TUBA1A: variants seen among roughly 807,000 people sequenced by gnomAD.
TUBA1A encodes tubulin alpha-1A chain.
In TUBA1A, 7 loss-of-function variants were observed where a neutral mutation model predicts 34.6. The ratio of observed to expected loss-of-function variants is 0.20; its 90% CI spans 0.11 to 0.38. The LOEUF is 0.38. Among genes scored for constraint, TUBA1A ranks in the 10% least tolerant of loss-of-function variants. TUBA1A has a pLI of 1.00. For synonymous variants in TUBA1A, 193 were observed against 210.2 expected, an observed-to-expected ratio of 0.92 and a Z score of 0.71; for missense variants, 19 against 581.3, an observed-to-expected ratio of 0.03 and a Z score of 9.95.
In TUBA1A at chr12:49,189,057, G is replaced by C; in HGVS notation, c.-78C>G. The C allele has an allele frequency of 3.8e-6, 6 of 1,596,816 alleles. No homozygotes were observed. The highest frequency in any genetic ancestry group is 1.3e-5 in the African/African-American group (1 of 74,748). On this transcript the variant is annotated 5_prime_UTR_variant, in exon 1 of 4. Coordinates refer to ENST00000301071, the MANE Select transcript of TUBA1A (RefSeq NM_006009.4). ...GTTGCTTCTTACAGCGCGACTCTTA[G>C]GCGGTCGATGTAAGAGAACCTGCGG...
Position 49,185,142 on chromosome 12 carries a change from G to A in TUBA1A, c.1224C>T (p.Tyr408=), listed in dbSNP as rs753719501. 1.4e-5 allele frequency: 22 copies of A among 1,613,948 alleles called. No homozygotes were observed. The highest frequency in any genetic ancestry group is 2.7e-5 in the African/African-American group (2 of 74,874). The part of the protein sequence containing the change: ...MYAKRAFVHW[Y]VGEGMEEGEF... ...CACCTTCCTCCATCCCCTCCCCAAC[G>A]TACCAGTGAACAAAGGCACGTTTGG... is the stretch of plus-strand genomic sequence containing the variant. The change falls in exon 4 of 4, where the codon TAC becomes TAT. Residue 408 remains tyrosine (Y), a synonymous_variant. Coordinates refer to ENST00000301071, the MANE Select transcript of TUBA1A (RefSeq NM_006009.4).
intron 1 of TUBA1A, 173 bp from the exon 2 acceptor site, chr12:49,187,006 A>G (rs1421537102): frequency 2.0e-6 from 3 of 1,482,088 alleles, no homozygotes; most frequent in South Asian, 1.4e-5. Context: ...CAAATGCTGC[A>G]TATGGGTGTG....
Position 49,188,860 on chromosome 12 carries a change from A to G in TUBA1A, c.3+117T>C. On this transcript the variant is annotated intron_variant, in intron 1 of 3. Transcript: ENST00000301071. The surrounding 1 kb of genome is among the most constrained non-coding windows in gnomAD (Gnocchi z 4.9). The stretch of plus-strand genomic sequence containing the variant: ...GGGGCTAAGCTAAACCTCACAAAAC[A>G]TACCACCACCCTCGCCCAGAGAGCT... 6.2e-7 allele frequency: 1 copy of G among 1,610,798 alleles called. No homozygotes were observed. The highest frequency in any genetic ancestry group is 8.5e-7 in the Non-Finnish European group (1 of 1,179,844).
Position 49,188,930 on chromosome 12 carries a change from G to A in TUBA1A, c.3+47C>T. ...AAGGTTTTCCAAGTAGAGCCTGGGG[G>A]CGCTGACTCCACCCAACGGCCACAA... On this transcript the variant is annotated intron_variant, in intron 1 of 3. Transcript: ENST00000301071. This position sits in a 1 kb window ranked among gnomAD's most constrained non-coding sequence, Gnocchi z 4.9. The A allele has an allele frequency of 6.2e-7, 1 of 1,614,190 alleles. No individual in the cohort carries two copies. Among genetic ancestry groups the A allele is most frequent in the Non-Finnish European group, 8.5e-7 (1 of 1,180,048 alleles).
Position 49,188,368 on chromosome 12 carries a change from C to T in TUBA1A, c.3+609G>A, listed in dbSNP as rs1565628366. 2 of 1,535,204 alleles carry T rather than the reference C, an allele frequency of 1.3e-6. No individual in the cohort carries two copies. Among genetic ancestry groups the T allele is most frequent in the Non-Finnish European group, 1.7e-6 (2 of 1,146,388 alleles). On this transcript the variant is annotated intron_variant, in intron 1 of 3. Transcript: ENST00000301071. This position sits in a 1 kb window ranked among gnomAD's most constrained non-coding sequence, Gnocchi z 4.9. ...AGAAGCCAGAAACAAACAACCCCGC[C>T]CCTGCGCCGCCCTGACACCCGCTGC... is the stretch of plus-strand genomic sequence containing the variant.
chr12:49,187,250 C>A (rs2121250247), intron 1 of TUBA1A: 1 of 1,110,538 alleles, frequency 9.0e-7, no homozygotes, highest in Non-Finnish European at 1.1e-6. Context: ...ATATTATAAT[C>A]CGGACATCTG....
chr12:49,184,860 C>A lies in TUBA1A; in HGVS notation c.*150G>T, dbSNP rs1168740814. 6 of 1,327,778 alleles carry A rather than the reference C, an allele frequency of 4.5e-6. No homozygotes were observed. Among genetic ancestry groups the A allele is most frequent in the Non-Finnish European group, 6.4e-6 (6 of 932,046 alleles). 82.2% of individuals were successfully genotyped at this position (1,327,778 alleles called of 1,614,324 possible). ...AGAAATGGACAGCTTGGGTCTGTAA[C>A]AAAGCATTCATGTTTTAGAGCATAG... On this transcript the variant is annotated 3_prime_UTR_variant, in exon 4 of 4. Transcript: ENST00000301071.
Position 49,189,052 on chromosome 12 carries a change from T to C in TUBA1A, c.-73A>G. 1 of 1,600,658 alleles carries C rather than the reference T, an allele frequency of 6.2e-7. No individual in the cohort carries two copies. ...AGGTTGTTGCTTCTTACAGCGCGAC[T>C]CTTAGGCGGTCGATGTAAGAGAACC... On this transcript the variant is annotated 5_prime_UTR_variant, in exon 1 of 4. Coordinates refer to ENST00000301071, the MANE Select transcript of TUBA1A (RefSeq NM_006009.4).
In TUBA1A at chr12:49,188,686, C is replaced by T; in HGVS notation, c.3+291G>A. 2 of 1,437,456 alleles carry T rather than the reference C, an allele frequency of 1.4e-6. No homozygotes were observed. Among genetic ancestry groups the T allele is most frequent in the South Asian group, 3.0e-5 (2 of 66,436 alleles). 89.0% of individuals were successfully genotyped at this position (1,437,456 alleles called of 1,614,324 possible). A position where few individuals can be genotyped will look rare whatever the true frequency, so the allele number is the denominator to read the frequency against. ...CCCCAGACCCCTCGGTCGCGGCAGA[C>T]GGGCTGCCCGCGGCCCCCGAAAGTC... is the stretch of plus-strand genomic sequence containing the variant. On this transcript the variant is annotated intron_variant, in intron 1 of 3. Transcript: ENST00000301071. The surrounding 1 kb of genome is among the most constrained non-coding windows in gnomAD (Gnocchi z 4.9).
At position 49,184,887 on chromosome 12, in the gene TUBA1A, T is replaced by C; in HGVS notation, c.*123A>G. The stretch of plus-strand genomic sequence containing the variant: ...AAGCATTCATGTTTTAGAGCATAGG[T>C]CAGTAATTGTATATGAGAGCATACA... On this transcript the variant is annotated 3_prime_UTR_variant, in exon 4 of 4. Coordinates refer to ENST00000301071, the MANE Select transcript of TUBA1A (RefSeq NM_006009.4). 6.7e-7 allele frequency: 1 copy of C among 1,496,556 alleles called. No homozygotes were observed. Among genetic ancestry groups the C allele is most frequent in the Admixed American group, 1.7e-5 (1 of 59,674 alleles). The allele number at this position is 1,496,556 out of a possible 1,614,324, so 92.7% of individuals were successfully genotyped here.
chr12:49,187,723 C>CCAAA (rs3057629), intron 1 of TUBA1A: 366,179 of 981,786 alleles, frequency 0.37, 72,054 homozygotes, highest in East Asian at 0.72. Context: ...TGAAAAGGTA[C>CCAAA]CAAAGAATAA....
chr12:49,187,894 G>C, intron 1 of TUBA1A: 9 of 922,770 alleles, frequency 9.8e-6, no homozygotes, highest in Non-Finnish European at 1.1e-5. Context: ...TCTATTCGCT[G>C]ATGTGGTGGG....
Position 49,188,497 on chromosome 12 carries a change from C to T in TUBA1A, c.3+480G>A. On this transcript the variant is annotated intron_variant, in intron 1 of 3. Coordinates refer to ENST00000301071, the MANE Select transcript of TUBA1A (RefSeq NM_006009.4). This position sits in a 1 kb window ranked among gnomAD's most constrained non-coding sequence, Gnocchi z 4.9. ...GTCTTCCCACGCTAACCCTAGGCTG[C>T]GCTTTGTTCCCGTTCCCCCTCCCAC... The T allele has an allele frequency of 1.3e-6, 2 of 1,526,420 alleles. No individual in the cohort carries two copies. The highest frequency in any genetic ancestry group is 1.8e-6 in the Non-Finnish European group (2 of 1,140,388). 94.6% of individuals were successfully genotyped at this position (1,526,420 alleles called of 1,614,324 possible). A position where few individuals can be genotyped will look rare whatever the true frequency, so the allele number is the denominator to read the frequency against.
rs1942204118 is a variant in TUBA1A at position 49,188,071 on chromosome 12, C to T, written c.3+906G>A. 1.3e-5 allele frequency: 12 copies of T among 926,042 alleles called. No homozygotes were observed. The South Asian group carries it at 5.7e-4, about 44-fold the overall frequency. The allele number at this position is 926,042 out of a possible 1,614,324, so 57.4% of individuals were successfully genotyped here. A position where few individuals can be genotyped will look rare whatever the true frequency, so the allele number is the denominator to read the frequency against. On this transcript the variant is annotated intron_variant, in intron 1 of 3. Transcript: ENST00000301071. The surrounding 1 kb of genome is among the most constrained non-coding windows in gnomAD (Gnocchi z 4.9). ...ACTTCAGTCGGTCAGGGCAGGGCGT[C>T]CCACAGACACACACACACACACACA...
Position 49,188,902 on chromosome 12 carries a change from T to G in TUBA1A, c.3+75A>C. ...CAGAGAGCTTACGAAAGAAAAGAGCTTAAAGGTTTTCCAAGTAGAGCCTGG... is the reference window on the plus strand; with the variant it reads ...CAGAGAGCTTACGAAAGAAAAGAGCGTAAAGGTTTTCCAAGTAGAGCCTGG... On this transcript the variant is annotated intron_variant, in intron 1 of 3. Transcript: ENST00000301071. This position sits in a 1 kb window ranked among gnomAD's most constrained non-coding sequence, Gnocchi z 4.9. The G allele has an allele frequency of 6.2e-7, 1 of 1,613,934 alleles. No individual in the cohort carries two copies.
chr12:49,188,398 G>A lies in TUBA1A; in HGVS notation c.3+579C>T, dbSNP rs1169173032. The A allele has an allele frequency of 1.3e-6, 2 of 1,535,508 alleles. No individual in the cohort carries two copies. Among genetic ancestry groups the A allele is most frequent in the African/African-American group, 1.4e-5 (1 of 72,962 alleles). ...CGCCGCCCTGACACCCGCTGCCGGGGGCTCCGGCAGAAACTCACCATGTTT... is the reference window on the plus strand; with the variant it reads ...CGCCGCCCTGACACCCGCTGCCGGGAGCTCCGGCAGAAACTCACCATGTTT... On this transcript the variant is annotated intron_variant, in intron 1 of 3. Coordinates refer to ENST00000301071, the MANE Select transcript of TUBA1A (RefSeq NM_006009.4). This position sits in a 1 kb window ranked among gnomAD's most constrained non-coding sequence, Gnocchi z 4.9.
Position 49,185,748 on chromosome 12 carries a change from A to G in TUBA1A, c.618T>C (p.Asn206=). The G allele has an allele frequency of 6.2e-7, 1 of 1,614,052 alleles. No individual in the cohort carries two copies. The highest frequency in any genetic ancestry group is 8.5e-7 in the Non-Finnish European group (1 of 1,180,006). Residue 206 remains asparagine, a synonymous_variant, in exon 4 of 4, where the codon AAT becomes AAC. Coordinates refer to ENST00000301071, the MANE Select transcript of TUBA1A (RefSeq NM_006009.4). ...TACGACAGATGTCATAGATGGCCTCATTGTCTACCATGAAGGCACAATCAG... is the reference window on the plus strand; with the variant it reads ...TACGACAGATGTCATAGATGGCCTCGTTGTCTACCATGAAGGCACAATCAG... ...EHSDCAFMVD[N]EAIYDICRRN...
chr12:49,189,055 T>C lies in TUBA1A; in HGVS notation c.-76A>G, dbSNP rs1942221361. The C allele has an allele frequency of 4.4e-6, 7 of 1,600,428 alleles. No individual in the cohort carries two copies. Among genetic ancestry groups the C allele is most frequent in the South Asian group, 3.3e-5 (3 of 90,814 alleles). On this transcript the variant is annotated 5_prime_UTR_variant, in exon 1 of 4. Transcript: ENST00000301071. Reference sequence around the variant, plus strand: ...TTGTTGCTTCTTACAGCGCGACTCTTAGGCGGTCGATGTAAGAGAACCTGC... The same window carrying C: ...TTGTTGCTTCTTACAGCGCGACTCTCAGGCGGTCGATGTAAGAGAACCTGC...
rs1208727547 is a variant in TUBA1A, at chr12:49,185,277, C to T, written c.1089G>A (p.Val363=). Residue 363 remains valine, a synonymous_variant, in exon 4 of 4, where the codon GTG becomes GTA. Transcript: ENST00000301071. ...VGINYQPPTV[V]PGGDLAKVQR... Reference sequence around the variant, plus strand: ...GTACCTTGGCCAGGTCTCCACCAGGCACCACAGTGGGAGGCTGGTAGTTGA... The same window carrying T: ...GTACCTTGGCCAGGTCTCCACCAGGTACCACAGTGGGAGGCTGGTAGTTGA... 1.2e-6 allele frequency: 2 copies of T among 1,614,176 alleles called. No homozygotes were observed. The highest frequency in any genetic ancestry group is 1.7e-6 in the Non-Finnish European group (2 of 1,180,016).
Sources: gnomAD v4.1 joint callset for allele counts on GRCh38, gnomAD v4.1.1 for gene constraint, Gnocchi (gnomAD v3.1) non-coding constraint, MANE v1.5 for transcripts, NCBI Gene and HGNC (gene_info 2026-07-23, HGNC 2026-07-21) for gene names.